Variants in POU6F2 observed in about 807,000 individuals in gnomAD.
The protein encoded by POU6F2 is POU class 6 homeobox 2, also known as POU domain, class 6, transcription factor 2.
A neutral mutation model predicts 71.3 loss-of-function variants in POU6F2; 31 were observed. The observed-to-expected ratio is 0.43, with a 90% CI of 0.33 to 0.59. The LOEUF is 0.59. Ranked by LOEUF, POU6F2 falls within the 20% of genes least tolerant of loss-of-function variation. The probability of loss-of-function intolerance (pLI) is 0.04; values close to 1 mark genes in which losing one functional copy is unlikely to be tolerated. For synonymous variants in POU6F2, 347 were observed against 355.7 expected (o/e 0.98, Z 0.27); for missense variants, 783 against 856.8 (o/e 0.91, Z 1.07).
At chr7:39,112,763 G>A (rs1791844908) in intron 2 of POU6F2, among the ~76,000 whole-genome samples, 1 of 152,080 alleles carries the variant, frequency 6.6e-6, no homozygotes, top group African/African-American at 2.4e-5. Context: ...AATTAGGCTT[G>A]GCTACGTAGC....
rs757703122 is a variant in POU6F2 at position 38,998,816 on chromosome 7, ATTTTTTT to A, written c.105+20775_105+20781del. Among the ~76,000 whole-genome samples, 954 of 116,562 alleles carry A rather than the reference ATTTTTTT, an allele frequency of 8.2e-3. 10 individuals are homozygous for A. The highest frequency in any genetic ancestry group is 0.029 in the African/African-American group (897 of 30,586). The allele number at this position is 116,562 out of a possible 152,430, so 76.5% of individuals were successfully genotyped here. On this transcript the variant is annotated intron_variant, in intron 1 of 9. Transcript: ENST00000518318. ...AGGCGCCTGCCACCACACCCGGCTA[ATTTTTTT>A]TTTTTTTTTTTTTTTTATTTTCAGT...
At chr7:39,363,864 G>T (rs548460795) in intron 5 of POU6F2, among the ~76,000 whole-genome samples, 1 of 152,166 alleles carries the variant, frequency 6.6e-6, no homozygotes, top group East Asian at 1.9e-4. Context: ...GAATTGGAGT[G>T]ATCAAAGTGG....
chr7:39,177,825 T>G (rs1793359799), intron 2 of POU6F2, among the ~76,000 whole-genome samples: 1 of 152,236 alleles, frequency 6.6e-6, no homozygotes, highest in African/African-American at 2.4e-5. Context: ...ATGCTACATT[T>G]TAAAATTAAT....
chr7:39,217,700 T>G (rs1352552914), intron 4 of POU6F2, among the ~76,000 whole-genome samples: 2 of 152,196 alleles, frequency 1.3e-5, no homozygotes, highest in Non-Finnish European at 2.9e-5. Flanking sequence ...TAATACCAAA[T>G]CCACCATAAA....
chr7:39,330,868 C>G (rs1244064348), intron 4 of POU6F2, among the ~76,000 whole-genome samples: 1 of 152,180 alleles, frequency 6.6e-6, no homozygotes, highest in Non-Finnish European at 1.5e-5. Flanking sequence ...TGCAACAGAA[C>G]ACCAGAACTT....
At chr7:39,056,630 T>G in intron 1 of POU6F2, among the ~76,000 whole-genome samples, 1 of 149,720 alleles carries the variant, frequency 6.7e-6, no homozygotes. Flanking sequence ...CTCTCCTTGT[T>G]TCTCTCTCTT....
At chr7:39,422,183 GT>G (rs1357360735) in intron 6 of POU6F2, among the ~76,000 whole-genome samples, 40 of 152,200 alleles carry the variant, frequency 2.6e-4, no homozygotes, top group African/African-American at 5.1e-4. Flanking sequence ...CCATAAAAAT[GT>G]GTCTTTGTTT....
At chr7:39,386,859 A>T (rs1786955241) in intron 5 of POU6F2, among the ~76,000 whole-genome samples, 1 of 152,216 alleles carries the variant, frequency 6.6e-6, no homozygotes, top group African/African-American at 2.4e-5. Context: ...TTAAATACAC[A>T]GCCGGCAAGC....
At chr7:39,291,015 G>GAAA (rs35704977) in intron 4 of POU6F2, among the ~76,000 whole-genome samples, 3 of 122,388 alleles carry the variant, frequency 2.5e-5, no homozygotes, top group African/African-American at 6.3e-5. Flanking sequence ...AAAGAGGACA[G>GAAA]AAAAAAAAAA....
At chr7:38,987,887 C>T (rs906264614) in intron 1 of POU6F2, among the ~76,000 whole-genome samples, 1 of 152,120 alleles carries the variant, frequency 6.6e-6, no homozygotes, top group African/African-American at 2.4e-5. Flanking sequence ...CAGAATTGAG[C>T]CTATGGAACT....
chr7:39,010,337 G>T (rs1789234135), intron 1 of POU6F2, among the ~76,000 whole-genome samples: 1 of 147,578 alleles, frequency 6.8e-6, no homozygotes, highest in Non-Finnish European at 1.5e-5. Flanking sequence ...TTCTCTGATG[G>T]TAGTTTGTAT....
chr7:39,398,949 G>A lies in POU6F2; in HGVS notation c.973-7651G>A, dbSNP rs1168816488. Among the ~76,000 whole-genome samples, 7 of 152,176 alleles carry A rather than the reference G, an allele frequency of 4.6e-5. No individual in the cohort carries two copies. In the South Asian group the frequency reaches 1.0e-3, roughly 23 times the overall value. On this transcript the variant is annotated intron_variant, in intron 5 of 9. Coordinates refer to ENST00000518318, the MANE Select transcript of POU6F2 (RefSeq NM_001370959.1). Reference sequence around the variant, plus strand: ...ACTAAAGAAACAGACACAGAGATGTGCAGCTAACTACGGGCAGCCTCAGAA... The same window carrying A: ...ACTAAAGAAACAGACACAGAGATGTACAGCTAACTACGGGCAGCCTCAGAA...
At chr7:39,305,297 A>T (rs1785028893) in intron 4 of POU6F2, among the ~76,000 whole-genome samples, 1 of 152,292 alleles carries the variant, frequency 6.6e-6, no homozygotes, top group South Asian at 2.1e-4. Context: ...AATTAGGAAT[A>T]ATAATGTCTC....
intron 2 of POU6F2, among the ~76,000 whole-genome samples, chr7:39,105,367 T>G (rs1791656541): frequency 6.6e-6 from 1 of 152,056 alleles, no homozygotes; most frequent in Admixed American, 6.6e-5. Flanking sequence ...ATCATCTAAG[T>G]CATAATTTTC....
In POU6F2 at chr7:39,464,749, CACAACA is replaced by C; in HGVS notation, c.*77_*82del. On this transcript the variant is annotated 3_prime_UTR_variant, in exon 10 of 10. Coordinates refer to ENST00000518318, the MANE Select transcript of POU6F2 (RefSeq NM_001370959.1). This position sits in a 1 kb window ranked among gnomAD's most constrained non-coding sequence, Gnocchi z 4.1. Reference sequence around the variant, plus strand: ...AAACTAAACTCCACCCTTGGGACTCCACAACAACAACAACAACAAAATTTAATTTAA... The same window carrying C: ...AAACTAAACTCCACCCTTGGGACTCCACAACAACAACAAAATTTAATTTAA... The C allele has an allele frequency of 1.4e-6, 2 of 1,461,354 alleles. No individual in the cohort carries two copies. Among genetic ancestry groups the C allele is most frequent in the Non-Finnish European group, 1.8e-6 (2 of 1,097,982 alleles). The allele number at this position is 1,461,354 out of a possible 1,614,324, so 90.5% of individuals were successfully genotyped here.
In POU6F2 at chr7:39,368,769, A is replaced by G. The variant is rs550368224; in HGVS notation, c.972+28754A>G. On this transcript the variant is annotated intron_variant, in intron 5 of 9. Transcript: ENST00000518318. ...GGGTAAAATCCTAGGGCCCTTAAGA[A>G]TGATGCTAAATCAACTCTACCTGTG... Among the ~76,000 whole-genome samples the G allele has an allele frequency of 3.9e-5, 6 of 152,332 alleles. No homozygotes were observed. In the South Asian group the frequency reaches 8.3e-4, roughly 21 times the overall value.
chr7:39,327,103 C>T (rs1785517567), intron 4 of POU6F2, among the ~76,000 whole-genome samples: 1 of 152,042 alleles, frequency 6.6e-6, no homozygotes, highest in Non-Finnish European at 1.5e-5. Context: ...CACTGTGAAA[C>T]CCCGTCTCTA....
intron 4 of POU6F2, among the ~76,000 whole-genome samples, chr7:39,207,862 C>A (rs1200189826): frequency 6.6e-6 from 1 of 152,136 alleles, no homozygotes; most frequent in Non-Finnish European, 1.5e-5. Flanking sequence ...TTTCAGGACT[C>A]CTGGAAGCAT....
At chr7:39,103,131 A>C (rs1791610201) in intron 2 of POU6F2, among the ~76,000 whole-genome samples, 1 of 152,254 alleles carries the variant, frequency 6.6e-6, no homozygotes, top group Non-Finnish European at 1.5e-5. Context: ...CTATGGTGAG[A>C]AGTTAGACAG....
Sources: allele counts gnomAD v4.1 joint callset (sites outside exome capture counted in the v4.1 genomes callset), GRCh38; gene constraint gnomAD v4.1.1; non-coding constraint Gnocchi (gnomAD v3.1); transcripts MANE v1.5; gene names NCBI Gene and HGNC (gene_info 2026-07-23, HGNC 2026-07-21).